Variants in RNF170 observed in about 807,000 individuals in gnomAD.
RNF170 encodes the protein ring finger protein 170, also known as E3 ubiquitin-protein ligase RNF170.
In RNF170, 12 loss-of-function variants were observed where a neutral mutation model predicts 32.7. The observed-to-expected ratio is 0.37, with a 90% CI of 0.24 to 0.60. RNF170 has a LOEUF of 0.60. Ranked by LOEUF, RNF170 falls within the 20% of genes least tolerant of loss-of-function variation. RNF170 has a pLI of 0.72. For synonymous variants in RNF170, 91 were observed against 103.6 expected (o/e 0.88, Z 0.74); for missense variants, 212 against 311.2 (o/e 0.68, Z 2.40).
rs771079882 is a variant in RNF170, at chr8:42,870,081, T to C, written c.245A>G (p.Tyr82Cys). The change falls in exon 4 of 7, where the codon TAC becomes TGC. Residue 82 changes from tyrosine to cysteine, a missense_variant. Physicochemically the swap from Tyr to Cys is radical, Grantham distance 194 (BLOSUM62 -2). Coordinates refer to ENST00000527424, the MANE Select transcript of RNF170 (RefSeq NM_030954.4). ...DAPAATRQQF[Y>C]TDMYCPICLH... is the part of the protein sequence containing the mutation. ...GCAGATGGGACAGTACATGTCAGTG[T>C]AGAACTGCTGTCGAGTGGCAGCAGG... 9 of 1,613,990 alleles carry C rather than the reference T, an allele frequency of 5.6e-6. No homozygotes were observed. The highest frequency in any genetic ancestry group is 5.0e-5 in the Admixed American group (3 of 59,990).
rs942152208 is a variant in RNF170 at position 42,896,528 on chromosome 8, G to A, written c.-52C>T. On this transcript the variant is annotated 5_prime_UTR_variant, in exon 1 of 7. Transcript: ENST00000527424. ...TACCTCGCCAGTTCCCGGCGACAGAGGACAGATTATTTCCAGGACCGCTCC... is the reference window on the plus strand; with the variant it reads ...TACCTCGCCAGTTCCCGGCGACAGAAGACAGATTATTTCCAGGACCGCTCC... 11 of 453,808 alleles carry A rather than the reference G, an allele frequency of 2.4e-5. No homozygotes were observed. The highest frequency in any genetic ancestry group is 1.2e-4 in the Admixed American group (5 of 42,546). The allele number at this position is 453,808 out of a possible 1,614,324, so 28.1% of individuals were successfully genotyped here.
chr8:42,855,415 G>A lies in RNF170; in HGVS notation c.*744C>T. 4 of 701,692 alleles carry A rather than the reference G, an allele frequency of 5.7e-6. No homozygotes were observed. Among genetic ancestry groups the A allele is most frequent in the Non-Finnish European group, 6.4e-6 (3 of 471,730 alleles). The allele number at this position is 701,692 out of a possible 1,614,324, so 43.5% of individuals were successfully genotyped here. On this transcript the variant is annotated 3_prime_UTR_variant, in exon 7 of 7. Transcript: ENST00000527424. ...TTTAGTAGAGACGGGGTTTCACCAT[G>A]TTAGCCAGGATGGTCCTGATCTCCT...
intron 2 of RNF170, among the ~76,000 whole-genome samples, chr8:42,875,886 A>T (rs1287847751): frequency 6.6e-6 from 1 of 152,110 alleles, no homozygotes; most frequent in Non-Finnish European, 1.5e-5. Flanking sequence ...AAACCTGTTA[A>T]AGCTTGATGC....
chr8:42,852,918 C>T (rs1005008186), downstream of RNF170, among the ~76,000 whole-genome samples: 1 of 151,930 alleles, frequency 6.6e-6, no homozygotes, highest in South Asian at 2.1e-4. Context: ...GAGTTTTAGA[C>T]CAGCCTGGGC....
chr8:42,885,341 G>A (rs138017500), intron 2 of RNF170, among the ~76,000 whole-genome samples: 1 of 152,254 alleles, frequency 6.6e-6, no homozygotes, highest in African/African-American at 2.4e-5. Context: ...TTCAGCTACT[G>A]TAAATACTGC....
intron 4 of RNF170, among the ~76,000 whole-genome samples, chr8:42,865,868 C>A (rs928110802): frequency 1.3e-5 from 2 of 152,054 alleles, no homozygotes; most frequent in Non-Finnish European, 2.9e-5. Context: ...GCCTGTAATC[C>A]CAGCTACTTG....
chr8:42,896,251 C>T (rs1480746677), intron 1 of RNF170: 1 of 337,076 alleles, frequency 3.0e-6, no homozygotes, highest in East Asian at 9.8e-5. Flanking sequence ...CCGCCAAACC[C>T]ACCTAGAGCC....
intron 1 of RNF170, among the ~76,000 whole-genome samples, chr8:42,895,655 C>T (rs1290206590): frequency 6.6e-6 from 1 of 152,194 alleles, no homozygotes; most frequent in Non-Finnish European, 1.5e-5. Context: ...AGAATGGATT[C>T]ACTGTTCTAT....
intron 6 of RNF170, among the ~76,000 whole-genome samples, chr8:42,859,960 T>C (rs1803535195): frequency 6.6e-6 from 1 of 151,996 alleles, no homozygotes; most frequent in Non-Finnish European, 1.5e-5. Flanking sequence ...AGCAAGAATA[T>C]GTTGATGCAG....
intron 2 of RNF170, among the ~76,000 whole-genome samples, chr8:42,877,208 G>C (rs145626926): frequency 2.0e-5 from 3 of 151,884 alleles, no homozygotes; most frequent in East Asian, 3.9e-4. Flanking sequence ...TTACAGGCGT[G>C]AGCCACTGCG....
chr8:42,855,708 T>C lies in RNF170; in HGVS notation c.*451A>G, dbSNP rs541446515. 1.7e-5 allele frequency: 22 copies of C among 1,267,100 alleles called. No homozygotes were observed. The highest frequency in any genetic ancestry group is 2.0e-5 in the Non-Finnish European group (20 of 978,506). The allele number at this position is 1,267,100 out of a possible 1,614,324, so 78.5% of individuals were successfully genotyped here. A position where few individuals can be genotyped will look rare whatever the true frequency, so the allele number is the denominator to read the frequency against. On this transcript the variant is annotated 3_prime_UTR_variant, in exon 7 of 7. Transcript: ENST00000527424. ...AAAAGAAATACTGAATTTTCCCCAA[T>C]AGTATATAATATTTTATTGGAACAA...
At chr8:42,853,141 C>T (rs947404624), downstream of RNF170, among the ~76,000 whole-genome samples, 2 of 151,904 alleles carry the variant, frequency 1.3e-5, no homozygotes, top group Non-Finnish European at 2.9e-5. Context: ...AAAACAAACA[C>T]ACAAACAAAA....
intron 6 of RNF170, 113 bp downstream of exon 6, chr8:42,861,632 T>G (rs756985667): frequency 8.0e-6 from 7 of 871,840 alleles, no homozygotes. Flanking sequence ...CGTTAGCTAC[T>G]GTGCCTGGCC....
intron 6 of RNF170, among the ~76,000 whole-genome samples, chr8:42,858,112 T>C (rs913690049): frequency 1.3e-5 from 2 of 152,178 alleles, no homozygotes; most frequent in African/African-American, 4.8e-5. Flanking sequence ...TTGAAACAGG[T>C]TGCATTTTTA....
chr8:42,878,173 A>C (rs1382184982), intron 2 of RNF170, among the ~76,000 whole-genome samples: 1 of 152,196 alleles, frequency 6.6e-6, no homozygotes, highest in Non-Finnish European at 1.5e-5. Context: ...ACAATATTGA[A>C]ATTAGGCCAA....
chr8:42,891,511 T>TA (rs1047150632), intron 1 of RNF170, among the ~76,000 whole-genome samples: 1 of 152,168 alleles, frequency 6.6e-6, no homozygotes, highest in Non-Finnish European at 1.5e-5. Flanking sequence ...CTTTCTTCCC[T>TA]AAAAAACGCA....
chr8:42,884,415 A>G (rs1162998270), intron 2 of RNF170, among the ~76,000 whole-genome samples: 1 of 151,962 alleles, frequency 6.6e-6, no homozygotes, highest in Admixed American at 6.6e-5. Flanking sequence ...GCTGCTGCAC[A>G]AATTAAAATT....
At chr8:42,892,694 A>G (rs1368304489) in intron 1 of RNF170, among the ~76,000 whole-genome samples, 3 of 148,262 alleles carry the variant, frequency 2.0e-5, no homozygotes, top group Non-Finnish European at 4.5e-5. Flanking sequence ...TTTTTTTTAA[A>G]CCCTAGATTC....
chr8:42,897,292 T>G, upstream of RNF170: 1 of 660,846 alleles, frequency 1.5e-6, no homozygotes, highest in Non-Finnish European at 2.1e-6. Flanking sequence ...GACGGTGCCG[T>G]CACATCCGGG....
Sources: allele counts gnomAD v4.1 joint callset (sites outside exome capture counted in the v4.1 genomes callset), GRCh38; gene constraint gnomAD v4.1.1; transcripts MANE v1.5; gene names NCBI Gene and HGNC (gene_info 2026-07-23, HGNC 2026-07-21).